The following TRIO variants were observed in gnomAD, a reference collection of about 807,000 sequenced individuals.
The protein encoded by TRIO is trio Rho guanine nucleotide exchange factor.
TRIO carries 58 observed loss-of-function variants against 351.9 expected under a neutral mutation model. The ratio of observed to expected loss-of-function variants is 0.16; its 90% CI spans 0.13 to 0.21. The LOEUF (loss-of-function observed/expected upper bound fraction) is 0.21, where lower values mean the gene tolerates loss of function less well. Ranked by LOEUF, TRIO falls within the 10% of genes least tolerant of loss-of-function variation. The pLI is 1.00. For missense variants in TRIO, 3,201 were observed against 4,027.8 expected, an observed-to-expected ratio of 0.79 and a Z score of 5.56; for synonymous variants, 1,758 against 1,595.7, an observed-to-expected ratio of 1.10 and a Z score of -2.42.
intron 49 of TRIO, among the ~76,000 whole-genome samples, chr5:14,493,945 C>T (rs1366934730): frequency 6.6e-6 from 1 of 152,198 alleles, no homozygotes; most frequent in Non-Finnish European, 1.5e-5. Flanking sequence ...CAACCCAGAA[C>T]AAGGCTCCAT....
Position 14,388,688 on chromosome 5 carries a change from G to GTTTTTTTTTTTTTTTTTTTTTTTTTT in TRIO, c.3948+27_3948+28insTTTTTTTTTTTTTTTTTTTTTTTTTT, listed in dbSNP as rs57751910. 1 of 1,189,236 alleles carries GTTTTTTTTTTTTTTTTTTTTTTTTTT rather than the reference G, an allele frequency of 8.4e-7. No individual in the cohort carries two copies. The allele number at this position is 1,189,236 out of a possible 1,614,324, so 73.7% of individuals were successfully genotyped here. ...TCCGGGAATGTATGGATGTAAGTAA[G>GTTTTTTTTTTTTTTTTTTTTTTTTTT]TTTTTTTTTTTTTTTTTTGCTTGTT... On this transcript the variant is annotated intron_variant, in intron 24 of 56. Coordinates refer to ENST00000344204, the MANE Select transcript of TRIO (RefSeq NM_007118.4).
intron 1 of TRIO, among the ~76,000 whole-genome samples, chr5:14,228,136 A>G (rs1581396366): frequency 6.6e-6 from 1 of 152,182 alleles, no homozygotes; most frequent in Non-Finnish European, 1.5e-5. Context: ...TCCATCTCCA[A>G]TAAAGGAAAA....
At chr5:14,223,154 T>G (rs1347426689) in intron 1 of TRIO, among the ~76,000 whole-genome samples, 1 of 152,162 alleles carries the variant, frequency 6.6e-6, no homozygotes, top group Non-Finnish European at 1.5e-5. Flanking sequence ...TCTTGGGCAG[T>G]GGCAGAGAGT....
At chr5:14,424,943 T>G (rs1355890503) in intron 34 of TRIO, among the ~76,000 whole-genome samples, 1 of 152,170 alleles carries the variant, frequency 6.6e-6, no homozygotes, top group Non-Finnish European at 1.5e-5. Flanking sequence ...CTTAGCAACT[T>G]TTTCAAATCT....
At chr5:14,396,818 A>G (rs1362898592) in intron 28 of TRIO, among the ~76,000 whole-genome samples, 1 of 152,072 alleles carries the variant, frequency 6.6e-6, no homozygotes. Flanking sequence ...TACTAATTTC[A>G]TCTTAAACTG....
rs1489749003 is a variant in TRIO, at chr5:14,476,845, T to A, written c.6084-49T>A. The A allele has an allele frequency of 2.0e-6, 3 of 1,480,398 alleles. No individual in the cohort carries two copies. The Admixed American group carries it at 6.2e-5, about 31-fold the overall frequency. The allele number at this position is 1,480,398 out of a possible 1,614,324, so 91.7% of individuals were successfully genotyped here. ...AAAAATGTAAACCTAAATCTAAAAT[T>A]AGAAGGCCACACTGGAAATAGTTCT... is the stretch of plus-strand genomic sequence containing the variant. On this transcript the variant is annotated intron_variant, in intron 40 of 56. Transcript: ENST00000344204.
At chr5:14,255,295 G>A (rs1225798467) in intron 1 of TRIO, among the ~76,000 whole-genome samples, 2 of 152,200 alleles carry the variant, frequency 1.3e-5, no homozygotes, top group Non-Finnish European at 2.9e-5. Context: ...ATCTCTAGGC[G>A]TAGAGATCCA....
At chr5:14,400,191 C>T (rs1372436359) in intron 30 of TRIO, among the ~76,000 whole-genome samples, 1 of 152,188 alleles carries the variant, frequency 6.6e-6, no homozygotes, top group African/African-American at 2.4e-5. Flanking sequence ...GAAAAAAATG[C>T]AACATTGCTG....
chr5:14,488,435 C>G, intron 48 of TRIO, 175 bp downstream of exon 48: 2 of 877,022 alleles, frequency 2.3e-6, no homozygotes, highest in Non-Finnish European at 3.4e-6. Context: ...GCGCTACTAA[C>G]TACTCCTTGC....
At chr5:14,270,482 T>G (rs1359483782) in intron 1 of TRIO, among the ~76,000 whole-genome samples, 1 of 152,208 alleles carries the variant, frequency 6.6e-6, no homozygotes, top group Non-Finnish European at 1.5e-5. Flanking sequence ...CAGCAAAGAT[T>G]TATGTACATT....
chr5:14,289,950 A>G (rs1429082721), intron 4 of TRIO, among the ~76,000 whole-genome samples: 6 of 152,190 alleles, frequency 3.9e-5, no homozygotes, highest in Admixed American at 3.3e-4. Context: ...ATTATATACA[A>G]CTCTAGGACT....
At chr5:14,430,216 C>CTAA (rs1750982637) in intron 34 of TRIO, among the ~76,000 whole-genome samples, 1 of 118,542 alleles carries the variant, frequency 8.4e-6, no homozygotes, top group Non-Finnish European at 1.7e-5. Flanking sequence ...ACCCAAATAG[C>CTAA]AAAAAAAAAA....
intron 23 of TRIO, among the ~76,000 whole-genome samples, 172 bp from the exon 24 acceptor site, chr5:14,388,441 T>TC (rs1363727670): frequency 3.3e-5 from 5 of 152,216 alleles, no homozygotes; most frequent in African/African-American, 1.2e-4. Flanking sequence ...AATCTTTTTT[T>TC]CCCCTTTGAA....
At chr5:14,224,112 A>G (rs1351759050) in intron 1 of TRIO, among the ~76,000 whole-genome samples, 1 of 152,126 alleles carries the variant, frequency 6.6e-6, no homozygotes, top group Non-Finnish European at 1.5e-5. Context: ...AATTTTATTT[A>G]ATGTTACAGT....
intron 10 of TRIO, among the ~76,000 whole-genome samples, chr5:14,332,052 A>AAGG (rs1316161742): frequency 6.6e-6 from 1 of 152,244 alleles, no homozygotes; most frequent in African/African-American, 2.4e-5. Context: ...ACTCAGGTTC[A>AAGG]AGGAAGAATC....
intron 1 of TRIO, among the ~76,000 whole-genome samples, chr5:14,208,476 C>A (rs1561204038): frequency 6.6e-6 from 1 of 152,166 alleles, no homozygotes; most frequent in Non-Finnish European, 1.5e-5. Flanking sequence ...GGCAAAAAAG[C>A]ATTTCAGTGG....
At position 14,447,629 on chromosome 5, in the gene TRIO, C is replaced by G. The variant is rs184078578; in HGVS notation, c.5204-13390C>G. Among the ~76,000 whole-genome samples the G allele has an allele frequency of 4.5e-3, 680 of 152,340 alleles. 1 individual carries two copies. Among genetic ancestry groups the G allele is most frequent in the Non-Finnish European group, 8.1e-3 (548 of 68,032 alleles). On this transcript the variant is annotated intron_variant, in intron 34 of 56. Coordinates refer to ENST00000344204, the MANE Select transcript of TRIO (RefSeq NM_007118.4). ...TTTTAAAAAATCTGCGTATAGCCCCCTGCCCCCAACGTCTTTGGTATCCTC... is the reference window on the plus strand; with the variant it reads ...TTTTAAAAAATCTGCGTATAGCCCCGTGCCCCCAACGTCTTTGGTATCCTC...
At position 14,406,609 on chromosome 5, in the gene TRIO, C is replaced by T; in HGVS notation, c.4896C>T (p.Ser1632=). 6.2e-7 allele frequency: 1 copy of T among 1,614,106 alleles called. No homozygotes were observed. Among genetic ancestry groups the T allele is most frequent in the Non-Finnish European group, 8.5e-7 (1 of 1,179,994 alleles). ...GEDLDSQGDG[S]SQPDTISIAS... is the part of the protein sequence containing the mutation. ...ATCTGGACAGCCAAGGAGACGGCAG[C>T]AGCCAGCCTGATACGATTTCCATCG... is the stretch of plus-strand genomic sequence containing the variant. The change falls in exon 33 of 57, where the codon AGC becomes AGT. Residue 1632 remains serine, a synonymous_variant. Coordinates refer to ENST00000344204, the MANE Select transcript of TRIO (RefSeq NM_007118.4).
intron 3 of TRIO, among the ~76,000 whole-genome samples, 175 bp downstream of exon 3, chr5:14,280,611 G>A (rs1020498435): frequency 2.0e-5 from 3 of 152,194 alleles, no homozygotes; most frequent in Non-Finnish European, 2.9e-5. Flanking sequence ...CTAGTGTAAA[G>A]CCCTTTGGGG....
Sources: allele counts gnomAD v4.1 joint callset (sites outside exome capture counted in the v4.1 genomes callset), GRCh38; gene constraint gnomAD v4.1.1; transcripts MANE v1.5; gene names NCBI Gene and HGNC (gene_info 2026-07-23, HGNC 2026-07-21).